The following SNX31 variants were observed in gnomAD, a reference collection of about 807,000 sequenced individuals.
SNX31 encodes sorting nexin-31.
A neutral mutation model predicts 65.4 loss-of-function variants in SNX31; 58 were observed. The ratio of observed to expected loss-of-function variants is 0.89; its 90% confidence interval spans 0.72 to 1.10. The LOEUF is 1.10. Ranked by LOEUF, SNX31 falls within the 50% of genes least tolerant of loss-of-function variation. The pLI is 0.00. For synonymous variants in SNX31, 181 were observed against 190.1 expected (o/e 0.95, Z 0.39); for missense variants, 523 against 529.7 (o/e 0.99, Z 0.12).
At position 100,657,452 on chromosome 8, in the gene SNX31, C is replaced by CAA. The variant is rs34516016; in HGVS notation, c.-58+5688_-58+5689dup. 5.9e-3 allele frequency among the ~76,000 whole-genome samples: 606 copies of CAA among 102,432 alleles called. 4 individuals carry two copies. The highest frequency in any genetic ancestry group is 0.02 in the African/African-American group (582 of 28,626). 67.2% of individuals were successfully genotyped at this position (102,432 alleles called of 152,430 possible). On this transcript the variant is annotated intron_variant, in intron 1 of 5. Transcript: ENST00000520352. Reference sequence around the variant, plus strand: ...GGGCAACAAGAGCAAAACTCCAACTCAAAAAAAAAAAAAGAAAAAAGAAAA... The same window carrying CAA: ...GGGCAACAAGAGCAAAACTCCAACTCAAAAAAAAAAAAAAAGAAAAAAGAAAA...
In SNX31 at chr8:100,636,031, C is replaced by A; in HGVS notation, c.142-20G>T. 3 of 1,592,534 alleles carry A rather than the reference C, an allele frequency of 1.9e-6. No individual in the cohort carries two copies. Among genetic ancestry groups the A allele is most frequent in the Non-Finnish European group, 2.6e-6 (3 of 1,160,682 alleles). The stretch of plus-strand genomic sequence containing the variant: ...CCTTAGCTGAAAGATCCAGGAAACA[C>A]AGTTAAGGCAGGTGAGCCGCCAGTT... On this transcript the variant is annotated intron_variant, in intron 2 of 13. Transcript: ENST00000311812.
upstream of SNX31, among the ~76,000 whole-genome samples, chr8:100,653,252 AG>A (rs1307419489): frequency 3.3e-5 from 5 of 152,336 alleles, no homozygotes; most frequent in Non-Finnish European, 7.3e-5. Context: ...TACGATACAT[AG>A]GAGAACTACA....
chr8:100,654,062 G>A (rs1160912833), upstream of SNX31, among the ~76,000 whole-genome samples: 2 of 152,194 alleles, frequency 1.3e-5, no homozygotes, highest in Non-Finnish European at 1.5e-5. Context: ...TTGGAGTGGA[G>A]TGACATGATC....
rs773526847 is a variant in SNX31, at chr8:100,610,982, T to TA, written c.611+1017dup. Among the ~76,000 whole-genome samples the TA allele has an allele frequency of 6.6e-6, 1 of 152,218 alleles. No homozygotes were observed. Among genetic ancestry groups the TA allele is most frequent in the Non-Finnish European group, 1.5e-5 (1 of 68,054 alleles). On this transcript the variant is annotated intron_variant, in intron 7 of 13. Transcript: ENST00000311812. This position sits in a 1 kb window ranked among gnomAD's most constrained non-coding sequence, Gnocchi z 4.0. ...GTAATAAACACTGGGAGCTGCAGGTTATAGGACTGGGGGTGCATAAGGTCC... is the reference window on the plus strand; with the variant it reads ...GTAATAAACACTGGGAGCTGCAGGTTAATAGGACTGGGGGTGCATAAGGTCC...
chr8:100,633,960 T>C (rs936172382), intron 3 of SNX31, among the ~76,000 whole-genome samples: 3 of 152,204 alleles, frequency 2.0e-5, no homozygotes, highest in South Asian at 2.1e-4. Flanking sequence ...GGGATCTATA[T>C]ACACGCAAAT....
chr8:100,574,947 A>AG (rs1414863320), intron 13 of SNX31, among the ~76,000 whole-genome samples: 1 of 152,226 alleles, frequency 6.6e-6, no homozygotes, highest in Non-Finnish European at 1.5e-5. Flanking sequence ...AGAAAAAAAA[A>AG]GTGTTATGCT....
chr8:100,649,508 T>A lies in SNX31; in HGVS notation c.7A>T (p.Met3Leu), dbSNP rs1819887579. 6.5e-7 allele frequency: 1 copy of A among 1,546,356 alleles called. No individual in the cohort carries two copies. The highest frequency in any genetic ancestry group is 1.2e-5 in the South Asian group (1 of 85,160). MKMHFCIPVSQQR... is the reference protein window; with the variant it reads MKLHFCIPVSQQR... ...TGGGACACCGGGATACAGAAATGCA[T>A]CTTCATGGCTGAGCGGTGTCTTGGG... The change falls in exon 1 of 14, where the codon ATG (methionine) becomes TTG (leucine). Residue 3 changes from methionine (M) to leucine (L), a missense_variant. Physicochemically the swap from Met to Leu is conservative, Grantham distance 15 (BLOSUM62 2). Transcript: ENST00000311812.
intron 10 of SNX31, among the ~76,000 whole-genome samples, chr8:100,593,154 G>A (rs1353937767): frequency 1.3e-5 from 2 of 152,072 alleles, no homozygotes; most frequent in Admixed American, 6.5e-5. Context: ...CCATTGAATC[G>A]TATACTTTAT....
At chr8:100,641,565 A>ATATATAT (rs1310228144) in intron 2 of SNX31, among the ~76,000 whole-genome samples, 2 of 32,106 alleles carry the variant, frequency 6.2e-5, no homozygotes, top group African/African-American at 1.4e-4. Flanking sequence ...AAAAAAAAAA[A>ATATATAT]ATATATATAT....
In SNX31 at chr8:100,577,048, T is replaced by C. The variant is rs1813104252; in HGVS notation, c.1198A>G (p.Ser400Gly). ...CTTTGTTGAATGTGGTATTTTTTAC[T>C]TTTGCTTTGTTCCGGAACTTCAATC... Reference protein sequence around the residue: ...MQIEVPEQSKSKKYHIQQSQQ... With the variant: ...MQIEVPEQSKGKKYHIQQSQQ... Residue 400 changes from serine to glycine, a missense_variant, in exon 13 of 14, where the codon AGT becomes GGT. Coordinates refer to ENST00000311812, the MANE Select transcript of SNX31 (RefSeq NM_152628.4). The C allele has an allele frequency of 4.3e-6, 7 of 1,613,892 alleles. No individual in the cohort carries two copies. In the East Asian group the frequency reaches 1.6e-4, roughly 36 times the overall value.
rs919199437 is a variant in SNX31, at chr8:100,610,212, G to A, written c.612-1649C>T. 1.3e-5 allele frequency among the ~76,000 whole-genome samples: 2 copies of A among 152,200 alleles called. No homozygotes were observed. The highest frequency in any genetic ancestry group is 1.5e-5 in the Non-Finnish European group (1 of 68,040). On this transcript the variant is annotated intron_variant, in intron 7 of 13. Coordinates refer to ENST00000311812, the MANE Select transcript of SNX31 (RefSeq NM_152628.4). This position sits in a 1 kb window ranked among gnomAD's most constrained non-coding sequence, Gnocchi z 4.0. ...TTGGGGTAGACGTTTTCTCTTGCAC[G>A]TATCATCTAGAGTTTACGTATTTAA...
intron 12 of SNX31, among the ~76,000 whole-genome samples, chr8:100,582,811 A>G (rs1386237910): frequency 1.3e-5 from 2 of 151,290 alleles, no homozygotes; most frequent in Non-Finnish European, 2.9e-5. Context: ...CCCTGTCTCT[A>G]CTAAAAAAAA....
chr8:100,611,983 T>A lies in SNX31; in HGVS notation c.611+17A>T. 2 of 1,606,968 alleles carry A rather than the reference T, an allele frequency of 1.2e-6. No homozygotes were observed. The highest frequency in any genetic ancestry group is 1.7e-6 in the Non-Finnish European group (2 of 1,173,628). The stretch of plus-strand genomic sequence containing the variant: ...AAGTGTCGTCAAACGCCTCTGTCAC[T>A]TTCAGAACCTACTTACCACTTTCGG... On this transcript the variant is annotated intron_variant, in intron 7 of 13. Coordinates refer to ENST00000311812, the MANE Select transcript of SNX31 (RefSeq NM_152628.4).
At chr8:100,598,151 G>A (rs1324106834) in intron 9 of SNX31, among the ~76,000 whole-genome samples, 1 of 152,200 alleles carries the variant, frequency 6.6e-6, no homozygotes, top group East Asian at 1.9e-4. Context: ...ATGCTGGCAG[G>A]AGTATTCAAA....
Position 100,660,452 on chromosome 8 carries a change from G to A in SNX31, c.-58+2690C>T, listed in dbSNP as rs1230585126. Among the ~76,000 whole-genome samples, 1 of 152,122 alleles carries A rather than the reference G, an allele frequency of 6.6e-6. No individual in the cohort carries two copies. Among genetic ancestry groups the A allele is most frequent in the African/African-American group, 2.4e-5 (1 of 41,414 alleles). On this transcript the variant is annotated intron_variant, in intron 1 of 5. Transcript: ENST00000520352. The surrounding 1 kb of genome is among the most constrained non-coding windows in gnomAD (Gnocchi z 4.1). Reference sequence around the variant, plus strand: ...CAGCCACTAATGTATGCTGTTTCCTGTAAAGACAATGTTTTACCCATGCCC... The same window carrying A: ...CAGCCACTAATGTATGCTGTTTCCTATAAAGACAATGTTTTACCCATGCCC...
chr8:100,597,275 T>C (rs1815194105), intron 9 of SNX31, among the ~76,000 whole-genome samples: 1 of 152,084 alleles, frequency 6.6e-6, no homozygotes, highest in Non-Finnish European at 1.5e-5. Flanking sequence ...GGAGTCTCGT[T>C]CTATCACCCA....
chr8:100,600,830 A>G (rs1815555098), intron 8 of SNX31, among the ~76,000 whole-genome samples: 1 of 152,222 alleles, frequency 6.6e-6, no homozygotes, highest in African/African-American at 2.4e-5. Context: ...AAATAGTCAT[A>G]TATAATTATG....
At chr8:100,628,041 T>C (rs1221375045) in intron 4 of SNX31, among the ~76,000 whole-genome samples, 1 of 152,154 alleles carries the variant, frequency 6.6e-6, no homozygotes, top group Non-Finnish European at 1.5e-5. Context: ...CACAAAGAGA[T>C]ACCATTTCAC....
intron 8 of SNX31, among the ~76,000 whole-genome samples, chr8:100,601,636 A>T (rs1366784882): frequency 6.6e-6 from 1 of 152,218 alleles, no homozygotes; most frequent in East Asian, 1.9e-4. Flanking sequence ...ACATTAAAAA[A>T]ATTAAAGTTG....
Sources: gnomAD v4.1 joint callset for allele counts (sites outside exome capture counted in the v4.1 genomes callset) on GRCh38, gnomAD v4.1.1 for gene constraint, Gnocchi (gnomAD v3.1) non-coding constraint, MANE v1.5 for transcripts, NCBI Gene and HGNC (gene_info 2026-07-23, HGNC 2026-07-21) for gene names.